Variants in TAX1BP1 observed in about 807,000 individuals in gnomAD.
TAX1BP1 encodes the protein Tax1 binding protein 1.
In TAX1BP1, 62 loss-of-function variants were observed where a neutral mutation model predicts 97.7. The observed-to-expected ratio is 0.63, with a 90% confidence interval of 0.52 to 0.78. TAX1BP1 has a LOEUF of 0.78. TAX1BP1 is among the 30% of genes least tolerant of loss of function. The probability of loss-of-function intolerance (pLI) is 0.00; values close to 1 mark genes in which losing one functional copy is unlikely to be tolerated. For synonymous variants in TAX1BP1, 340 were observed against 304.2 expected, an observed-to-expected ratio of 1.12 and a Z score of -1.23; for missense variants, 867 against 916.1, an observed-to-expected ratio of 0.95 and a Z score of 0.69.
rs1317719547 is a variant in TAX1BP1, at chr7:27,769,741, A to G, written c.519A>G (p.Lys173=). ...ELLKLIAVLE[K]ETAQLREQVG... ...TAAAGTTAATTGCCGTTCTGGAAAA[A>G]GAAACAGCACAACTTCGAGAACAAG... The change falls in exon 5 of 17, where the codon AAA becomes AAG. Residue 173 remains lysine, a synonymous_variant. Coordinates refer to ENST00000396319, the MANE Select transcript of TAX1BP1 (RefSeq NM_006024.7). 1.4e-5 allele frequency: 23 copies of G among 1,612,504 alleles called. No individual in the cohort carries two copies. Among genetic ancestry groups the G allele is most frequent in the Non-Finnish European group, 2.0e-5 (23 of 1,179,088 alleles).
intron 3 of TAX1BP1, among the ~76,000 whole-genome samples, chr7:27,758,881 A>G (rs1252806475): frequency 6.6e-6 from 1 of 152,100 alleles, no homozygotes; most frequent in Non-Finnish European, 1.5e-5. Flanking sequence ...TTTTGGAGAT[A>G]ATGGTGGTGG....
At chr7:27,757,844 A>AT (rs1001916251) in intron 2 of TAX1BP1, among the ~76,000 whole-genome samples, 187 bp from the exon 3 acceptor site, 2 of 152,124 alleles carry the variant, frequency 1.3e-5, no homozygotes, top group African/African-American at 4.8e-5. Flanking sequence ...ATTTATGTAG[A>AT]TTTTTATAGC....
chr7:27,739,473 C>G (rs1054501109), upstream of TAX1BP1: 1 of 152,142 alleles, frequency 6.6e-6, no homozygotes, highest in African/African-American at 2.4e-5. Context: ...ACATATACAA[C>G]AAGCAAAAGT....
At chr7:27,770,680 G>T (rs1788813102) in intron 5 of TAX1BP1, among the ~76,000 whole-genome samples, 2 of 152,050 alleles carry the variant, frequency 1.3e-5, no homozygotes, top group Admixed American at 1.3e-4. Context: ...TCAAACATTT[G>T]TATACTCCAG....
chr7:27,757,978 C>A, intron 2 of TAX1BP1, 53 bp from the exon 3 acceptor site: 1 of 1,104,200 alleles, frequency 9.1e-7, no homozygotes, highest in Non-Finnish European at 1.4e-6. Context: ...CTGTATGAGC[C>A]TAATATTAAA....
Position 27,828,635 on chromosome 7 carries a change from G to A in TAX1BP1, c.2176G>A (p.Val726Ile). 6.2e-7 allele frequency: 1 copy of A among 1,613,294 alleles called. No homozygotes were observed. The highest frequency in any genetic ancestry group is 8.5e-7 in the Non-Finnish European group (1 of 1,179,584). The change falls in exon 17 of 17, where the codon GTT becomes ATT. Residue 726 changes from valine (V) to isoleucine (I), a missense_variant. Transcript: ENST00000396319. ...TTCATTTTTCTCTTTAAGCTTTGAT[G>A]TTCACAAGAAGTGTCCCCTCTGTGA... ...TGFCFDSSFD[V>I]HKKCPLCELM...
chr7:27,806,154 C>G (rs73295601), intron 13 of TAX1BP1, among the ~76,000 whole-genome samples: 2 of 150,420 alleles, frequency 1.3e-5, no homozygotes, highest in Non-Finnish European at 2.9e-5. Context: ...GGCACTAGCT[C>G]GACTCACTAC....
At chr7:27,807,234 C>T (rs1176076032) in intron 13 of TAX1BP1, among the ~76,000 whole-genome samples, 1 of 152,116 alleles carries the variant, frequency 6.6e-6, no homozygotes, top group African/African-American at 2.4e-5. Context: ...CAAGGATGTT[C>T]TTTCAGCCAT....
chr7:27,807,688 A>G (rs957619785), intron 13 of TAX1BP1, among the ~76,000 whole-genome samples: 1 of 152,152 alleles, frequency 6.6e-6, no homozygotes, highest in Non-Finnish European at 1.5e-5. Flanking sequence ...GTAGGGAGAT[A>G]CTTTGAGACC....
At chr7:27,779,381 G>C (rs1327711947) in intron 5 of TAX1BP1, among the ~76,000 whole-genome samples, 11 of 152,092 alleles carry the variant, frequency 7.2e-5, no homozygotes, top group Admixed American at 6.5e-4. Flanking sequence ...ATATGTATTT[G>C]TTGCCCTTCA....
At chr7:27,788,970 C>T (rs1583708510) in intron 8 of TAX1BP1, among the ~76,000 whole-genome samples, 1 of 151,946 alleles carries the variant, frequency 6.6e-6, no homozygotes, top group Non-Finnish European at 1.5e-5. Flanking sequence ...TAGGATTCTT[C>T]CTTCCTTTGC....
intron 1 of TAX1BP1, among the ~76,000 whole-genome samples, chr7:27,745,294 T>A (rs1787777096): frequency 6.6e-6 from 1 of 152,224 alleles, no homozygotes. Context: ...ACTTTGCATA[T>A]TATTTCTCCA....
intron 5 of TAX1BP1, among the ~76,000 whole-genome samples, chr7:27,782,798 T>A (rs1176627285): frequency 6.6e-6 from 1 of 152,204 alleles, no homozygotes; most frequent in Admixed American, 6.5e-5. Context: ...TCTGTGTATG[T>A]GTGAATCTAG....
chr7:27,828,685 T>C lies in TAX1BP1; in HGVS notation c.2226T>C (p.Asp742=). 3 of 1,614,066 alleles carry C rather than the reference T, an allele frequency of 1.9e-6. No individual in the cohort carries two copies. The highest frequency in any genetic ancestry group is 2.5e-6 in the Non-Finnish European group (3 of 1,179,976). Residue 742 remains aspartate (D), a synonymous_variant, in exon 17 of 17, where the codon GAT becomes GAC. Transcript: ENST00000396319. The part of the protein sequence containing the change: ...LCELMFPPNY[D]QSKFEEHVES... ...AGTTAATGTTTCCTCCTAACTATGATCAGAGCAAATTTGAAGAACATGTTG... is the reference window on the plus strand; with the variant it reads ...AGTTAATGTTTCCTCCTAACTATGACCAGAGCAAATTTGAAGAACATGTTG...
chr7:27,801,098 C>T (rs563268310), intron 13 of TAX1BP1, among the ~76,000 whole-genome samples: 45 of 123,184 alleles, frequency 3.7e-4, no homozygotes, highest in Middle Eastern at 5.2e-3. Context: ...TGTGAGACTC[C>T]GTCTCAAAAA....
At chr7:27,753,603 G>C (rs1788100842) in intron 2 of TAX1BP1, among the ~76,000 whole-genome samples, 1 of 152,106 alleles carries the variant, frequency 6.6e-6, no homozygotes, top group Non-Finnish European at 1.5e-5. Context: ...CTATGATAAA[G>C]TTTAATTTAT....
intron 12 of TAX1BP1, among the ~76,000 whole-genome samples, chr7:27,799,501 A>G (rs944847890): frequency 3.9e-5 from 6 of 152,248 alleles, no homozygotes; most frequent in Admixed American, 2.6e-4. Flanking sequence ...AGTAATATAT[A>G]CTTATTGTGA....
Position 27,828,878 on chromosome 7 carries a change from AAAAC to A in TAX1BP1, c.*50_*53del. Reference sequence around the variant, plus strand: ...TAGTTTAGCAGTAAAAAAAAAAAAAAAAACCACACCTAAAATAGACCACTGAGGA... The same window carrying A: ...TAGTTTAGCAGTAAAAAAAAAAAAAACACACCTAAAATAGACCACTGAGGA... On this transcript the variant is annotated 3_prime_UTR_variant, in exon 17 of 17. Transcript: ENST00000396319. The A allele has an allele frequency of 4.0e-6, 6 of 1,485,276 alleles. No homozygotes were observed. The highest frequency in any genetic ancestry group is 1.2e-5 in the South Asian group (1 of 80,898). 92.0% of individuals were successfully genotyped at this position (1,485,276 alleles called of 1,614,324 possible). A position where few individuals can be genotyped will look rare whatever the true frequency, so the allele number is the denominator to read the frequency against.
intron 5 of TAX1BP1, among the ~76,000 whole-genome samples, chr7:27,775,234 G>GA (rs1426445281): frequency 5.3e-5 from 8 of 152,158 alleles, no homozygotes; most frequent in South Asian, 4.1e-4. Flanking sequence ...TAAATTGTGG[G>GA]AAAAAATCAG....
Sources: gnomAD v4.1 joint callset for allele counts (sites outside exome capture counted in the v4.1 genomes callset) on GRCh38, gnomAD v4.1.1 for gene constraint, MANE v1.5 for transcripts, NCBI Gene and HGNC (gene_info 2026-07-23, HGNC 2026-07-21) for gene names.